The following GPC6 variants were observed in gnomAD, a reference collection of about 807,000 sequenced individuals.
The protein encoded by GPC6 is glypican-6.
A neutral mutation model predicts 55.2 loss-of-function variants in GPC6; 14 were observed. The ratio of observed to expected loss-of-function variants is 0.25; its 90% CI spans 0.17 to 0.40. GPC6 has a LOEUF of 0.40. GPC6 is among the 10% of genes least tolerant of loss of function. The probability of loss-of-function intolerance (pLI) is 1.00; values close to 1 mark genes in which losing one functional copy is unlikely to be tolerated. For synonymous variants in GPC6, 278 were observed against 259.6 expected (o/e 1.07, Z -0.68); for missense variants, 641 against 708.5 (o/e 0.90, Z 1.08).
In GPC6 at chr13:93,806,353, T is replaced by C. The variant is rs192399343; in HGVS notation, c.320-23801T>C. On this transcript the variant is annotated intron_variant, in intron 2 of 8. Transcript: ENST00000377047. ...AATTTTATTCATTTTTATTTTTTAT[T>C]TGAGATGGAGTTTTACTCTTGTCAC... 2.0e-5 allele frequency among the ~76,000 whole-genome samples: 3 copies of C among 152,286 alleles called. No homozygotes were observed. The East Asian group carries it at 5.8e-4, about 29-fold the overall frequency.
chr13:93,259,401 C>G (rs1877061328), intron 1 of GPC6, among the ~76,000 whole-genome samples: 1 of 152,082 alleles, frequency 6.6e-6, no homozygotes, highest in African/African-American at 2.4e-5. Context: ...GGAATATAAT[C>G]AGATTTATGT....
chr13:93,594,589 G>C (rs1358029134), intron 2 of GPC6, among the ~76,000 whole-genome samples: 1 of 151,974 alleles, frequency 6.6e-6, no homozygotes, highest in Non-Finnish European at 1.5e-5. Context: ...GAGACCTAAG[G>C]AGAATAGGTT....
At chr13:93,378,734 G>C (rs752970213) in intron 1 of GPC6, among the ~76,000 whole-genome samples, 1 of 152,034 alleles carries the variant, frequency 6.6e-6, no homozygotes, top group African/African-American at 2.4e-5. Flanking sequence ...GGTGGCTCAC[G>C]CTTGTAATCC....
At chr13:94,378,284 G>A (rs1392523945) in intron 6 of GPC6, among the ~76,000 whole-genome samples, 1 of 152,102 alleles carries the variant, frequency 6.6e-6, no homozygotes, top group Non-Finnish European at 1.5e-5. Context: ...TCTATTGCCA[G>A]TATTTCCTGT....
intron 2 of GPC6, among the ~76,000 whole-genome samples, chr13:93,677,918 A>G (rs1881705356): frequency 6.6e-6 from 1 of 152,182 alleles, no homozygotes; most frequent in Admixed American, 6.6e-5. Flanking sequence ...TAATATTTCA[A>G]TTAAACTCAA....
chr13:93,381,701 C>T (rs1315107862), intron 1 of GPC6, among the ~76,000 whole-genome samples: 2 of 152,126 alleles, frequency 1.3e-5, no homozygotes, highest in Non-Finnish European at 2.9e-5. Flanking sequence ...AACTGAAGTA[C>T]AGTGGATTTC....
chr13:94,075,452 G>A (rs780558382), intron 4 of GPC6, among the ~76,000 whole-genome samples: 54 of 147,066 alleles, frequency 3.7e-4, no homozygotes, highest in African/African-American at 6.4e-4. Context: ...GTGTGTGTGC[G>A]CGCTAAGAAT....
chr13:93,434,825 G>A (rs1425561975), intron 1 of GPC6, among the ~76,000 whole-genome samples: 1 of 152,016 alleles, frequency 6.6e-6, no homozygotes, highest in Non-Finnish European at 1.5e-5. Flanking sequence ...TCCTGCCTCC[G>A]CCTCCCAAGT....
intron 2 of GPC6, among the ~76,000 whole-genome samples, chr13:93,651,086 C>T (rs1880388716): frequency 6.6e-6 from 1 of 152,176 alleles, no homozygotes; most frequent in Non-Finnish European, 1.5e-5. Context: ...AGGCATCACC[C>T]ACCTCCCACC....
intron 3 of GPC6, among the ~76,000 whole-genome samples, chr13:93,855,615 A>G (rs1210776015): frequency 1.3e-5 from 2 of 151,632 alleles, no homozygotes; most frequent in Non-Finnish European, 3.0e-5. Flanking sequence ...AAGTGGCTAT[A>G]CCATTTTTCA....
At chr13:93,351,366 G>A (rs1243663362) in intron 1 of GPC6, among the ~76,000 whole-genome samples, 1 of 152,074 alleles carries the variant, frequency 6.6e-6, no homozygotes, top group Non-Finnish European at 1.5e-5. Context: ...ACCCTGCAAA[G>A]TGGATGATAA....
In GPC6 at chr13:93,983,409, C is replaced by G. The variant is rs578256375; in HGVS notation, c.712-44320C>G. Among the ~76,000 whole-genome samples, 8 of 152,004 alleles carry G rather than the reference C, an allele frequency of 5.3e-5. No individual in the cohort carries two copies. In the East Asian group the frequency reaches 1.6e-3, roughly 29 times the overall value. ...GAAATCATGCATTTAGAACATAACACTGAGTTTATTAAATTCATCGTGTTT... is the reference window on the plus strand; with the variant it reads ...GAAATCATGCATTTAGAACATAACAGTGAGTTTATTAAATTCATCGTGTTT... On this transcript the variant is annotated intron_variant, in intron 3 of 8. Transcript: ENST00000377047.
chr13:93,231,405 A>ATATATGTG (rs1876047559), intron 1 of GPC6, among the ~76,000 whole-genome samples: 1 of 35,278 alleles, frequency 2.8e-5, no homozygotes, highest in African/African-American at 1.3e-4. Flanking sequence ...ATGTATATAT[A>ATATATGTG]TATATATATA....
intron 1 of GPC6, among the ~76,000 whole-genome samples, chr13:93,238,681 G>A (rs1262166461): frequency 7.0e-6 from 1 of 142,974 alleles, no homozygotes. Flanking sequence ...CTTATGGGGG[G>A]ATGCTTTCAA....
chr13:94,399,352 T>C (rs1881029356), intron 8 of GPC6, among the ~76,000 whole-genome samples: 1 of 152,230 alleles, frequency 6.6e-6, no homozygotes, highest in African/African-American at 2.4e-5. Flanking sequence ...GCATCAAAAA[T>C]TATTTGGAAG....
chr13:93,599,899 A>G (rs1336198794), intron 2 of GPC6, among the ~76,000 whole-genome samples: 1 of 152,192 alleles, frequency 6.6e-6, no homozygotes, highest in East Asian at 1.9e-4. Context: ...AAATGTCTGC[A>G]TAGCAAATTC....
chr13:94,351,973 A>G (rs1878566572), intron 6 of GPC6, among the ~76,000 whole-genome samples: 1 of 150,114 alleles, frequency 6.7e-6, no homozygotes, highest in South Asian at 2.1e-4. Flanking sequence ...AAAAAAAAAA[A>G]AAAAAAAAAG....
intron 2 of GPC6, among the ~76,000 whole-genome samples, chr13:93,556,506 C>CA (rs1875490550): frequency 6.7e-6 from 1 of 149,178 alleles, no homozygotes; most frequent in Non-Finnish European, 1.5e-5. Flanking sequence ...ATGGAGTATC[C>CA]ATCCCCTCAA....
chr13:93,401,196 GTGTT>G (rs1876062228), intron 1 of GPC6, among the ~76,000 whole-genome samples: 1 of 106,362 alleles, frequency 9.4e-6, no homozygotes, highest in African/African-American at 3.2e-5. Context: ...GTGTGTGTGT[GTGTT>G]TGACTTTTGT....
Sources: gnomAD v4.1 joint callset for allele counts (sites outside exome capture counted in the v4.1 genomes callset) on GRCh38, gnomAD v4.1.1 for gene constraint, MANE v1.5 for transcripts, NCBI Gene and HGNC (gene_info 2026-07-23, HGNC 2026-07-21) for gene names.